CHCHD3: variants seen among roughly 807,000 people sequenced by gnomAD.
CHCHD3 encodes coiled-coil-helix-coiled-coil-helix domain containing 3.
In CHCHD3, 20 loss-of-function variants were observed where a neutral mutation model predicts 38.2. The observed-to-expected ratio is 0.52, with a 90% CI of 0.37 to 0.76. The LOEUF (loss-of-function observed/expected upper bound fraction) is 0.76, where lower values mean the gene tolerates loss of function less well. Ranked by LOEUF, CHCHD3 falls within the 30% of genes least tolerant of loss-of-function variation. CHCHD3 has a pLI of 0.00. For missense variants in CHCHD3, 245 were observed against 279.2 expected (o/e 0.88, Z 0.87); for synonymous variants, 82 against 100.0 (o/e 0.82, Z 1.07).
At position 132,917,871 on chromosome 7, in the gene CHCHD3, A is replaced by AC. The variant is rs1225046426; in HGVS notation, c.370-32127_370-32126insG. Among the ~76,000 whole-genome samples the AC allele has an allele frequency of 1.9e-3, 283 of 151,658 alleles. 1 individual carries two copies. The highest frequency in any genetic ancestry group is 6.6e-3 in the African/African-American group (273 of 41,352). ...GAGACTCCATCTCAAAAAAAAAAAA[A>AC]AAAAAACCTTTCCTATTACTCATCT... is the stretch of plus-strand genomic sequence containing the variant. On this transcript the variant is annotated intron_variant, in intron 4 of 7. Coordinates refer to ENST00000262570, the MANE Select transcript of CHCHD3 (RefSeq NM_017812.4).
intron 1 of CHCHD3, among the ~76,000 whole-genome samples, chr7:133,071,449 T>C (rs371093621): frequency 6.6e-6 from 1 of 152,182 alleles, no homozygotes; most frequent in East Asian, 1.9e-4. Flanking sequence ...CAGTTTGAAC[T>C]TGACCCTGAG....
At chr7:133,078,100 G>A (rs372446527) in intron 1 of CHCHD3, among the ~76,000 whole-genome samples, 1 of 152,248 alleles carries the variant, frequency 6.6e-6, no homozygotes, top group African/African-American at 2.4e-5. Flanking sequence ...TTGAGGTCAG[G>A]AGTTTGAGAC....
intron 2 of CHCHD3, among the ~76,000 whole-genome samples, chr7:133,053,246 C>A (rs1047285190): frequency 6.6e-6 from 1 of 152,202 alleles, no homozygotes; most frequent in African/African-American, 2.4e-5. Context: ...AAATATCTAT[C>A]AATATTCGTG....
At chr7:132,926,830 T>C (rs1425008724) in intron 4 of CHCHD3, among the ~76,000 whole-genome samples, 1 of 152,138 alleles carries the variant, frequency 6.6e-6, no homozygotes, top group East Asian at 1.9e-4. Context: ...TATTTTTTGT[T>C]GTTGTATTGT....
At chr7:133,005,692 A>C (rs1011296235) in intron 3 of CHCHD3, among the ~76,000 whole-genome samples, 1 of 152,226 alleles carries the variant, frequency 6.6e-6, no homozygotes, top group African/African-American at 2.4e-5. Flanking sequence ...GGAATGGTCA[A>C]ATTCAATAAT....
intron 1 of CHCHD3, among the ~76,000 whole-genome samples, chr7:133,075,610 A>G (rs1250851522): frequency 2.0e-5 from 3 of 152,172 alleles, no homozygotes; most frequent in Non-Finnish European, 4.4e-5. Context: ...GAACAGGGGT[A>G]CTCACTCGTG....
chr7:133,067,182 C>T (rs1229075168), intron 2 of CHCHD3, among the ~76,000 whole-genome samples: 2 of 152,110 alleles, frequency 1.3e-5, no homozygotes, highest in Non-Finnish European at 1.5e-5. Context: ...AGAGTACCTA[C>T]AATGTAATAA....
intron 4 of CHCHD3, chr7:132,973,685 T>C (rs1811669709): frequency 9.7e-7 from 1 of 1,028,746 alleles, no homozygotes; most frequent in Non-Finnish European, 1.2e-6. Flanking sequence ...AACTGATTCA[T>C]TACGCATGGA....
At chr7:132,930,880 C>G (rs1255671054) in intron 4 of CHCHD3, among the ~76,000 whole-genome samples, 1 of 152,180 alleles carries the variant, frequency 6.6e-6, no homozygotes, top group East Asian at 1.9e-4. Flanking sequence ...AGAAATTGTA[C>G]CAGGTTTTCT....
chr7:133,035,362 T>C lies in CHCHD3; in HGVS notation c.170-10735A>G. On this transcript the variant is annotated intron_variant, in intron 2 of 7. Coordinates refer to ENST00000262570, the MANE Select transcript of CHCHD3 (RefSeq NM_017812.4). The surrounding 1 kb of genome is among the most constrained non-coding windows in gnomAD (Gnocchi z 4.7). ...ATGCAGGTGAGGAACCAGCGGTTGG[T>C]ATTGCGAAAGGCCCGGCGGAAAGAA... 3.7e-6 allele frequency: 6 copies of C among 1,612,596 alleles called. No homozygotes were observed. Among genetic ancestry groups the C allele is most frequent in the Non-Finnish European group, 4.2e-6 (5 of 1,178,716 alleles).
chr7:132,873,182 C>T (rs1808808048), intron 5 of CHCHD3, among the ~76,000 whole-genome samples: 1 of 151,990 alleles, frequency 6.6e-6, no homozygotes, highest in Non-Finnish European at 1.5e-5. Context: ...AATAGTCCAC[C>T]ACTGGTGACA....
chr7:132,825,590 C>G (rs978604788), intron 6 of CHCHD3, among the ~76,000 whole-genome samples: 4 of 152,198 alleles, frequency 2.6e-5, no homozygotes, highest in African/African-American at 4.8e-5. Flanking sequence ...CAGGAAAAGA[C>G]AAGAACTGGT....
chr7:133,036,558 A>C (rs1045660930), intron 2 of CHCHD3, among the ~76,000 whole-genome samples: 2 of 152,234 alleles, frequency 1.3e-5, no homozygotes, highest in African/African-American at 2.4e-5. Context: ...CATCTTAAAT[A>C]GGTAGAAAAA....
intron 4 of CHCHD3, among the ~76,000 whole-genome samples, chr7:132,963,714 T>C (rs867566540): frequency 1.2e-3 from 80 of 67,488 alleles, no homozygotes; most frequent in African/African-American, 4.5e-3. Flanking sequence ...CACACACACA[T>C]AATCTAGCAA....
At chr7:133,018,519 GT>G (rs1294331760) in intron 3 of CHCHD3, among the ~76,000 whole-genome samples, 2 of 152,014 alleles carry the variant, frequency 1.3e-5, no homozygotes, top group Non-Finnish European at 2.9e-5. Context: ...TCCCTGAAAA[GT>G]TTTTTTAATT....
At chr7:132,805,430 C>T (rs1362810695) in intron 6 of CHCHD3, among the ~76,000 whole-genome samples, 1 of 151,998 alleles carries the variant, frequency 6.6e-6, no homozygotes, top group African/African-American at 2.4e-5. Flanking sequence ...TTGAGAGGAT[C>T]TAGGTGAGCT....
At chr7:132,950,091 A>G (rs1811001258) in intron 4 of CHCHD3, among the ~76,000 whole-genome samples, 1 of 152,210 alleles carries the variant, frequency 6.6e-6, no homozygotes, top group Non-Finnish European at 1.5e-5. Context: ...TCCTTAGTAA[A>G]TATAACTATT....
intron 3 of CHCHD3, among the ~76,000 whole-genome samples, chr7:132,976,687 T>C (rs1395915581): frequency 6.6e-6 from 1 of 152,210 alleles, no homozygotes; most frequent in African/African-American, 2.4e-5. Context: ...ATCTACTTTA[T>C]ACGTGTGAAT....
At chr7:133,043,945 A>T (rs1813905606) in intron 2 of CHCHD3, among the ~76,000 whole-genome samples, 1 of 152,216 alleles carries the variant, frequency 6.6e-6, no homozygotes, top group Non-Finnish European at 1.5e-5. Flanking sequence ...AGTGAAAAGC[A>T]TCCTGACGCT....
Sources: allele counts gnomAD v4.1 joint callset (sites outside exome capture counted in the v4.1 genomes callset), GRCh38; gene constraint gnomAD v4.1.1; non-coding constraint Gnocchi (gnomAD v3.1); transcripts MANE v1.5; gene names NCBI Gene and HGNC (gene_info 2026-07-23, HGNC 2026-07-21).